The following CTBP2 variants were observed in gnomAD, a reference collection of about 807,000 sequenced individuals.
CTBP2 encodes C-terminal-binding protein 2.
A neutral mutation model predicts 80.3 loss-of-function variants in CTBP2; 30 were observed. The observed-to-expected ratio is 0.37, with a 90% CI of 0.28 to 0.51. The LOEUF (loss-of-function observed/expected upper bound fraction) is 0.51, where lower values mean the gene tolerates loss of function less well. CTBP2 is among the 20% of genes least tolerant of loss of function. CTBP2 has a pLI of 0.93. For synonymous variants in CTBP2, 594 were observed against 587.4 expected (o/e 1.01, Z -0.16); for missense variants, 1,212 against 1,375.3 (o/e 0.88, Z 1.88).
intron 2 of CTBP2, among the ~76,000 whole-genome samples, chr10:125,047,203 A>G (rs188626234): frequency 9.8e-5 from 15 of 152,386 alleles, no homozygotes; most frequent in Admixed American, 7.2e-4. Context: ...CAAACAAACT[A>G]AATGACACCT....
chr10:125,143,968 T>C (rs1382676567), intron 1 of CTBP2, among the ~76,000 whole-genome samples: 1 of 152,056 alleles, frequency 6.6e-6, no homozygotes, highest in Non-Finnish European at 1.5e-5. Flanking sequence ...TCATAATTTC[T>C]CTCACCATAA....
chr10:125,048,665 C>G (rs12246653), intron 2 of CTBP2, among the ~76,000 whole-genome samples: 10,883 of 152,232 alleles, frequency 0.071, 476 homozygotes, highest in South Asian at 0.18. Context: ...GCCACCCTGA[C>G]AAATGATTTT....
chr10:125,041,716 T>C (rs529601580), intron 2 of CTBP2, among the ~76,000 whole-genome samples: 1 of 152,224 alleles, frequency 6.6e-6, no homozygotes, highest in East Asian at 1.9e-4. Flanking sequence ...ACCTCGGAGA[T>C]GAAAAATGAC....
At chr10:125,067,953 C>A (rs986103486) in intron 2 of CTBP2, among the ~76,000 whole-genome samples, 2 of 152,348 alleles carry the variant, frequency 1.3e-5, no homozygotes, top group African/African-American at 4.8e-5. Context: ...CCCCCAATTT[C>A]ACCTCTCCTT....
intron 2 of CTBP2, among the ~76,000 whole-genome samples, chr10:125,098,660 GA>G (rs1564913522): frequency 2.1e-3 from 39 of 18,868 alleles, no homozygotes; most frequent in South Asian, 0.014. Context: ...GGGAGGGGGA[GA>G]GAGAGAGAGA....
chr10:125,143,511 A>G (rs908342976), intron 1 of CTBP2, among the ~76,000 whole-genome samples: 1 of 152,220 alleles, frequency 6.6e-6, no homozygotes, highest in South Asian at 2.1e-4. Flanking sequence ...ATGGCACTGC[A>G]TTATCACACC....
chr10:125,083,936 C>T (rs756322100), intron 2 of CTBP2, among the ~76,000 whole-genome samples: 2 of 152,136 alleles, frequency 1.3e-5, no homozygotes, highest in South Asian at 2.1e-4. Context: ...TGCGCCACCA[C>T]GCCCAGCTGA....
intron 1 of CTBP2, among the ~76,000 whole-genome samples, chr10:125,134,253 G>C (rs1856620536): frequency 1.3e-5 from 2 of 152,208 alleles, no homozygotes; most frequent in Non-Finnish European, 2.9e-5. Context: ...GAGAGACTGA[G>C]GCTTAGAGTC....
At chr10:125,118,850 G>A (rs1286314901) in intron 1 of CTBP2, among the ~76,000 whole-genome samples, 1 of 152,246 alleles carries the variant, frequency 6.6e-6, no homozygotes, top group Non-Finnish European at 1.5e-5. Context: ...AGAAGCACTT[G>A]AAGGTATCCG....
chr10:125,133,404 G>A (rs1024745877), intron 1 of CTBP2: 1 of 152,188 alleles, frequency 6.6e-6, no homozygotes, highest in African/African-American at 2.4e-5. Flanking sequence ...CCTGAAAGTA[G>A]AGCCCAGGTT....
chr10:125,036,199 CAA>C (rs1357783067), intron 3 of CTBP2, among the ~76,000 whole-genome samples: 2 of 152,078 alleles, frequency 1.3e-5, no homozygotes, highest in Non-Finnish European at 2.9e-5. Flanking sequence ...TGAAAAGTTT[CAA>C]AGAGGAAGGG....
At chr10:124,992,837 T>G in intron 7 of CTBP2, 25 bp from the exon 10 acceptor site, 3 of 1,541,162 alleles carry the variant, frequency 1.9e-6, no homozygotes, top group Non-Finnish European at 2.7e-6. Context: ...TTAAAATTAA[T>G]CATATTATTT....
chr10:125,040,505 A>G (rs1473874575), intron 2 of CTBP2, among the ~76,000 whole-genome samples: 1 of 150,524 alleles, frequency 6.6e-6, no homozygotes, highest in African/African-American at 2.4e-5. Flanking sequence ...CTGGGAAACA[A>G]CATTTAAGGC....
chr10:125,130,113 T>C (rs1855919602), intron 1 of CTBP2, among the ~76,000 whole-genome samples: 1 of 151,278 alleles, frequency 6.6e-6, no homozygotes, highest in African/African-American at 2.4e-5. Context: ...AATAGCATGA[T>C]CTCGGCTCAC....
chr10:125,052,974 C>T (rs551982018), intron 2 of CTBP2, among the ~76,000 whole-genome samples: 2 of 152,302 alleles, frequency 1.3e-5, no homozygotes, highest in East Asian at 3.9e-4. Flanking sequence ...TCAAATTCTT[C>T]CCCCAGAATG....
At chr10:125,071,844 G>A (rs1845530479) in intron 2 of CTBP2, among the ~76,000 whole-genome samples, 2 of 152,064 alleles carry the variant, frequency 1.3e-5, no homozygotes, top group South Asian at 4.1e-4. Context: ...TGCAAATGCT[G>A]CAGATTAAGA....
chr10:125,147,524 C>T (rs997392697), intron 1 of CTBP2, among the ~76,000 whole-genome samples: 1 of 152,146 alleles, frequency 6.6e-6, no homozygotes, highest in Admixed American at 6.5e-5. Flanking sequence ...AGAAAGAAGA[C>T]GGCTGCTCCC....
chr10:124,994,387 G>GC (rs1417902852), intron 5 of CTBP2, 82 bp downstream of exon 7: 2 of 1,364,426 alleles, frequency 1.5e-6, no homozygotes, highest in Non-Finnish European at 2.1e-6. Context: ...CACCTCCGTT[G>GC]CCCTCCGTGT....
intron 1 of CTBP2, among the ~76,000 whole-genome samples, chr10:125,147,522 G>C (rs1047222581): frequency 6.6e-6 from 1 of 152,180 alleles, no homozygotes; most frequent in African/African-American, 2.4e-5. Flanking sequence ...TGAGAAAGAA[G>C]ACGGCTGCTC....
Sources: allele counts gnomAD v4.1 joint callset (sites outside exome capture counted in the v4.1 genomes callset), GRCh38; gene constraint gnomAD v4.1.1; transcripts MANE v1.5; gene names NCBI Gene and HGNC (gene_info 2026-07-23, HGNC 2026-07-21).